CSMD3: variants seen among roughly 807,000 people sequenced by gnomAD.
CSMD3 encodes CUB and sushi domain-containing protein 3.
A neutral mutation model predicts 435.2 loss-of-function variants in CSMD3; 177 were observed. The ratio of observed to expected loss-of-function variants is 0.41; its 90% CI spans 0.36 to 0.46. CSMD3 has a LOEUF of 0.46. Among genes scored for constraint, CSMD3 ranks in the 20% least tolerant of loss-of-function variants. The pLI, the probability that CSMD3 is intolerant of heterozygous loss-of-function variation, is 0.34. For synonymous variants in CSMD3, 1,656 were observed against 1,520.5 expected, an observed-to-expected ratio of 1.09 and a Z score of -2.07; for missense variants, 4,265 against 4,504.6, an observed-to-expected ratio of 0.95 and a Z score of 1.52.
intron 3 of CSMD3, among the ~76,000 whole-genome samples, chr8:113,224,224 T>G (rs1238007874): frequency 1.3e-5 from 2 of 151,282 alleles, no homozygotes; most frequent in African/African-American, 4.8e-5. Context: ...CATTTTAATC[T>G]AACTTTGGGT....
At chr8:112,738,464 G>C (rs1484775545) in intron 13 of CSMD3, among the ~76,000 whole-genome samples, 2 of 151,688 alleles carry the variant, frequency 1.3e-5, no homozygotes, top group Non-Finnish European at 2.9e-5. Context: ...AGCCAATTTA[G>C]TGCACGATAT....
intron 38 of CSMD3, among the ~76,000 whole-genome samples, chr8:112,373,513 T>A (rs1366698198): frequency 6.9e-6 from 1 of 145,832 alleles, no homozygotes; most frequent in Non-Finnish European, 1.5e-5. Context: ...ATTAGGTATT[T>A]AAAAAAAAAT....
intron 38 of CSMD3, among the ~76,000 whole-genome samples, chr8:112,369,878 A>T (rs185031789): frequency 2.8e-3 from 430 of 152,054 alleles, no homozygotes; most frequent in Admixed American, 5.4e-3. Flanking sequence ...TTAAAGTAAA[A>T]GAAAAACTAA....
At chr8:112,514,831 A>G (rs1299949276) in intron 28 of CSMD3, among the ~76,000 whole-genome samples, 1 of 152,002 alleles carries the variant, frequency 6.6e-6, no homozygotes, top group African/African-American at 2.4e-5. Flanking sequence ...GGTATTTCCA[A>G]TCATGAAGTT....
chr8:112,890,830 G>A (rs2081764395), intron 10 of CSMD3, among the ~76,000 whole-genome samples: 1 of 151,630 alleles, frequency 6.6e-6, no homozygotes, highest in Non-Finnish European at 1.5e-5. Context: ...TGGAATGAAG[G>A]AGGTGAGAAA....
intron 32 of CSMD3, among the ~76,000 whole-genome samples, chr8:112,424,226 AAT>A (rs1454265204): frequency 1.1e-4 from 17 of 152,320 alleles, no homozygotes; most frequent in African/African-American, 4.1e-4. Context: ...AGAGGAAAAA[AAT>A]AGTTTTAAGA....
intron 4 of CSMD3, among the ~76,000 whole-genome samples, chr8:113,156,189 AGT>A (rs1301552235): frequency 6.6e-6 from 1 of 152,112 alleles, no homozygotes; most frequent in Non-Finnish European, 1.5e-5. Context: ...TATAAGAATC[AGT>A]GTGTTATTAT....
rs755896259 is a variant in CSMD3 at position 112,395,052 on chromosome 8, T to C, written c.5810-4264A>G. ...TATTTGTCTAATTCTACTGCAATCA[T>C]ATTTATTTATTTACCAACAAAATAT... On this transcript the variant is annotated intron_variant, in intron 35 of 70. Transcript: ENST00000297405. Among the ~76,000 whole-genome samples the C allele has an allele frequency of 7.2e-5, 11 of 152,304 alleles. No individual in the cohort carries two copies. In the East Asian group the frequency reaches 9.6e-4, roughly 13 times the overall value.
chr8:112,320,537 C>T (rs1028776224), intron 45 of CSMD3, among the ~76,000 whole-genome samples: 4 of 151,892 alleles, frequency 2.6e-5, no homozygotes, highest in Admixed American at 1.3e-4. Context: ...ATGTGCACAA[C>T]GTGCAGGTTT....
chr8:112,625,760 A>T (rs1834429159), intron 22 of CSMD3, among the ~76,000 whole-genome samples: 1 of 152,084 alleles, frequency 6.6e-6, no homozygotes. Flanking sequence ...TGGGGGAGGT[A>T]AATAATCCCC....
chr8:112,848,593 G>A, intron 11 of CSMD3, among the ~76,000 whole-genome samples: 1 of 152,044 alleles, frequency 6.6e-6, no homozygotes, highest in Non-Finnish European at 1.5e-5. Flanking sequence ...TGAAAAATAA[G>A]CATATATAAT....
intron 4 of CSMD3, among the ~76,000 whole-genome samples, chr8:113,132,307 C>T (rs183556276): frequency 7.9e-5 from 12 of 152,114 alleles, no homozygotes; most frequent in South Asian, 4.2e-4. Context: ...AAATGAGATT[C>T]GGGAGGGACC....
At chr8:113,429,930 G>C (rs1253731226) in intron 1 of CSMD3, among the ~76,000 whole-genome samples, 1 of 152,174 alleles carries the variant, frequency 6.6e-6, no homozygotes, top group Non-Finnish European at 1.5e-5. Flanking sequence ...TTTGTGACAA[G>C]ATGAATGAAC....
intron 3 of CSMD3, among the ~76,000 whole-genome samples, chr8:113,273,168 G>A (rs1439512083): frequency 6.6e-6 from 1 of 151,626 alleles, no homozygotes; most frequent in Non-Finnish European, 1.5e-5. Flanking sequence ...AACAAATTTT[G>A]TTTAAATAAA....
intron 58 of CSMD3, among the ~76,000 whole-genome samples, chr8:112,281,950 AAAT>A (rs1378687522): frequency 2.0e-5 from 3 of 152,144 alleles, no homozygotes; most frequent in Non-Finnish European, 4.4e-5. Flanking sequence ...AATATATTCT[AAAT>A]AAAAGTTACA....
chr8:112,468,390 A>T (rs1344041142), intron 32 of CSMD3, among the ~76,000 whole-genome samples: 1 of 152,096 alleles, frequency 6.6e-6, no homozygotes, highest in Non-Finnish European at 1.5e-5. Flanking sequence ...CTGCTGATTT[A>T]TACTCTACTT....
At chr8:112,630,057 A>G (rs865816747) in intron 22 of CSMD3, among the ~76,000 whole-genome samples, 1 of 152,100 alleles carries the variant, frequency 6.6e-6, no homozygotes, top group Non-Finnish European at 1.5e-5. Context: ...CAATATAACC[A>G]TGTGACCTTG....
At chr8:113,399,106 T>TACATAC (rs2094497708) in intron 1 of CSMD3, among the ~76,000 whole-genome samples, 3 of 95,096 alleles carry the variant, frequency 3.2e-5, no homozygotes, top group Non-Finnish European at 3.9e-5. Flanking sequence ...TATATATATA[T>TACATAC]ACACACACAC....
In CSMD3 at chr8:112,244,543, G is replaced by A. The variant is rs145249578; in HGVS notation, c.10253C>T (p.Ala3418Val). 2.0e-5 allele frequency: 32 copies of A among 1,613,820 alleles called. 1 individual carries two copies. The highest frequency in any genetic ancestry group is 3.3e-4 in the Middle Eastern group (2 of 6,062). ...PHSCKQPETP[A>V]HANVVGMDLP... ...GTCCATCCCTACGACATTTGCATGA[G>A]CAGGAGTTTCTGGCTGTTTACAGCT... The change falls in exon 65 of 71, where the codon GCT (alanine) becomes GTT (valine). Residue 3418 changes from alanine to valine, a missense_variant. Coordinates refer to ENST00000297405, the MANE Select transcript of CSMD3 (RefSeq NM_198123.2).
Sources: gnomAD v4.1 joint callset for allele counts (sites outside exome capture counted in the v4.1 genomes callset) on GRCh38, gnomAD v4.1.1 for gene constraint, MANE v1.5 for transcripts, NCBI Gene and HGNC (gene_info 2026-07-23, HGNC 2026-07-21) for gene names.